Variants in WDR81 observed in about 807,000 individuals in gnomAD.
WDR81 encodes WD repeat domain 81, also known as WD repeat-containing protein 81.
A neutral mutation model predicts 140.8 loss-of-function variants in WDR81; 92 were observed. The ratio of observed to expected loss-of-function variants is 0.65; its 90% CI spans 0.55 to 0.78. WDR81 has a LOEUF of 0.78. WDR81 is among the 30% of genes least tolerant of loss of function. WDR81 has a pLI of 0.00. For synonymous variants in WDR81, 1,183 were observed against 1,156.4 expected (o/e 1.02, Z -0.47); for missense variants, 2,502 against 2,636.4 (o/e 0.95, Z 1.12).
intron 1 of WDR81, among the ~76,000 whole-genome samples, chr17:1,718,079 C>A (rs532684698): frequency 6.6e-6 from 1 of 152,062 alleles, no homozygotes. Flanking sequence ...TGATGGGATC[C>A]TCCTGCTTTT....
chr17:1,723,780 C>A (rs1048235427), upstream of WDR81, among the ~76,000 whole-genome samples: 1 of 151,936 alleles, frequency 6.6e-6, no homozygotes, highest in East Asian at 1.9e-4. Context: ...CCACTGCACC[C>A]GGCCAGTTTT....
In WDR81 at chr17:1,725,947, G is replaced by A. The variant is rs1230424641; in HGVS notation, c.988G>A (p.Glu330Lys). 18 of 1,550,560 alleles carry A rather than the reference G, an allele frequency of 1.2e-5. No homozygotes were observed. The highest frequency in any genetic ancestry group is 1.5e-5 in the Non-Finnish European group (17 of 1,146,920). Reference protein sequence around the residue: ...ARDEAGIVSQEEQGGQPGQPT... With the variant: ...ARDEAGIVSQKEQGGQPGQPT... The stretch of plus-strand genomic sequence containing the variant: ...GGATGAGGCGGGCATTGTGTCTCAA[G>A]AGGAGCAGGGAGGGCAACCTGGGCA... The change falls in exon 1 of 10, where the codon GAG becomes AAG. Residue 330 changes from glutamate to lysine, a missense_variant. By Grantham distance (56) the Glu-to-Lys change is moderately conservative. Coordinates refer to ENST00000409644, the MANE Select transcript of WDR81 (RefSeq NM_001163809.2).
Position 1,728,550 on chromosome 17 carries a change from C to T in WDR81, c.3591C>T (p.Gly1197=). Residue 1197 remains glycine (G), a synonymous_variant, in exon 1 of 10, where the codon GGC becomes GGT. Transcript: ENST00000409644. The part of the protein sequence containing the change: ...VLSMETVVAG[G]SGGDGEEEEE... ...CCATGGAGACGGTTGTGGCCGGCGG[C>T]AGTGGGGGAGATGGAGAAGAAGAGG... 2.0e-6 allele frequency: 3 copies of T among 1,532,308 alleles called. No individual in the cohort carries two copies. Among genetic ancestry groups the T allele is most frequent in the South Asian group, 1.2e-5 (1 of 82,562 alleles). The allele number at this position is 1,532,308 out of a possible 1,614,324, so 94.9% of individuals were successfully genotyped here. A position where few individuals can be genotyped will look rare whatever the true frequency, so the allele number is the denominator to read the frequency against.
At chr17:1,717,353 C>T (rs1225530705) in intron 1 of WDR81, among the ~76,000 whole-genome samples, 1 of 152,170 alleles carries the variant, frequency 6.6e-6, no homozygotes, top group Non-Finnish European at 1.5e-5. Context: ...TATCAATCCC[C>T]GCAAGTCCCC....
rs1915225006 is a variant in WDR81 at position 1,726,036 on chromosome 17, C to T, written c.1077C>T (p.Asn359=). The T allele has an allele frequency of 3.2e-6, 5 of 1,545,260 alleles. No homozygotes were observed. Among genetic ancestry groups the T allele is most frequent in the Non-Finnish European group, 4.4e-6 (5 of 1,143,212 alleles). Residue 359 remains asparagine, a synonymous_variant, in exon 1 of 10, where the codon AAC becomes AAT. Coordinates refer to ENST00000409644, the MANE Select transcript of WDR81 (RefSeq NM_001163809.2). The stretch of plus-strand genomic sequence containing the variant: ...ATTGGGTCCACGGCCGCATCAGCAA[C>T]TTCCACTACCTCATGCAGCTGAATC... ...VLDWVHGRIS[N]FHYLMQLNRL... is the part of the protein sequence containing the mutation.
At chr17:1,716,603 A>G in exon 1 of WDR81, 1 of 1,551,328 alleles carries the variant, frequency 6.4e-7, no homozygotes, top group South Asian at 1.2e-5. Context: ...TCTCAGCCTG[A>G]CACCGTCGTT....
At chr17:1,729,623 G>A (rs1268905602) in intron 1 of WDR81, among the ~76,000 whole-genome samples, 2 of 152,110 alleles carry the variant, frequency 1.3e-5, no homozygotes, top group South Asian at 4.1e-4. Flanking sequence ...GAAGGCTGAG[G>A]GAACAGCATG....
upstream of WDR81, chr17:1,724,634 G>A (rs988191234): frequency 2.0e-6 from 2 of 1,015,058 alleles, no homozygotes; most frequent in Non-Finnish European, 2.4e-6. Context: ...GGCAGGAAGC[G>A]GGGTCCCGCC....
chr17:1,726,580 C>G lies in WDR81; in HGVS notation c.1621C>G (p.Leu541Val). ...LLESREVSRD[L>V]HHWIDLTFGY... ...GGAGAGCCGCGAGGTATCCCGGGAC[C>G]TGCACCATTGGATCGACCTCACGTT... Residue 541 changes from leucine (L) to valine (V), a missense_variant, in exon 1 of 10, where the codon CTG becomes GTG. Physicochemically the swap from Leu to Val is conservative, Grantham distance 32. Coordinates refer to ENST00000409644, the MANE Select transcript of WDR81 (RefSeq NM_001163809.2). 1 of 1,550,370 alleles carries G rather than the reference C, an allele frequency of 6.5e-7. No individual in the cohort carries two copies. Among genetic ancestry groups the G allele is most frequent in the Non-Finnish European group, 8.7e-7 (1 of 1,146,984 alleles).
Position 1,730,881 on chromosome 17 carries a change from A to T in WDR81, c.3902A>T (p.His1301Leu). 1.2e-6 allele frequency: 2 copies of T among 1,612,830 alleles called. No homozygotes were observed. The highest frequency in any genetic ancestry group is 8.5e-7 in the Non-Finnish European group (1 of 1,179,920). ...VSGPVLSCLL[H>L]IARLYGEPVL... The stretch of plus-strand genomic sequence containing the variant: ...GGGCCTGTGCTCAGCTGCCTCCTCC[A>T]CATCGCCCGCCTGTATGGGGAGCCT... Residue 1301 changes from histidine (H) to leucine (L), a missense_variant, in exon 3 of 10, where the codon CAC (histidine) becomes CTC (leucine). Physicochemically the swap from His to Leu is moderately conservative, Grantham distance 99 (BLOSUM62 -3). Transcript: ENST00000409644.
Position 1,725,720 on chromosome 17 carries a change from C to G in WDR81, c.761C>G (p.Thr254Ser). The G allele has an allele frequency of 6.4e-7, 1 of 1,550,404 alleles. No individual in the cohort carries two copies. The highest frequency in any genetic ancestry group is 8.7e-7 in the Non-Finnish European group (1 of 1,147,052). ...GTCACCTTCAGCCCTGCCAAGCTGA[C>G]CAACAGCCAGGCCAAGGTGCTGTTC... ...DVVTFSPAKL[T>S]NSQAKVLFIL... The change falls in exon 1 of 10, where the codon ACC (threonine) becomes AGC (serine). Residue 254 changes from threonine (T) to serine (S), a missense_variant. Around this residue, in one of 3 missense-constraint regions of WDR81, gnomAD observed 547 missense variants for 513.8 expected, o/e 1.06. Coordinates refer to ENST00000409644, the MANE Select transcript of WDR81 (RefSeq NM_001163809.2).
chr17:1,726,245 C>T lies in WDR81; in HGVS notation c.1286C>T (p.Ala429Val), dbSNP rs554874427. 5.3e-5 allele frequency: 81 copies of T among 1,532,822 alleles called. No individual in the cohort carries two copies. The African/African-American group carries it at 5.3e-4, about 10-fold the overall frequency. The allele number at this position is 1,532,822 out of a possible 1,614,324, so 95.0% of individuals were successfully genotyped here. ...MTRQAFVAGG[A>V]GGGEPPHVPH... is the part of the protein sequence containing the mutation. The stretch of plus-strand genomic sequence containing the variant: ...CGGCAGGCATTCGTAGCAGGCGGGG[C>T]GGGCGGCGGGGAACCCCCTCATGTT... The change falls in exon 1 of 10, where the codon GCG (alanine) becomes GTG (valine). Residue 429 changes from alanine to valine, a missense_variant. Ala to Val is a moderately conservative substitution (Grantham distance 64, BLOSUM62 0). This residue lies in a region of WDR81 where 218 missense variants were observed against 279.6 expected (regional missense o/e 0.78). Transcript: ENST00000409644.
Position 1,736,028 on chromosome 17 carries a change from T to C in WDR81, c.5326-11T>C. The C allele has an allele frequency of 6.3e-7, 1 of 1,585,858 alleles. No homozygotes were observed. Among genetic ancestry groups the C allele is most frequent in the Non-Finnish European group, 8.5e-7 (1 of 1,171,278 alleles). Reference sequence around the variant, plus strand: ...AGGTGGTGCCTCAGCTCAGCCGCCCTCTCCCTGCAGCACGAGTTCCGACTG... The same window carrying C: ...AGGTGGTGCCTCAGCTCAGCCGCCCCCTCCCTGCAGCACGAGTTCCGACTG... On this transcript the variant is annotated splice_polypyrimidine_tract_variant and intron_variant, in intron 8 of 9. Coordinates refer to ENST00000409644, the MANE Select transcript of WDR81 (RefSeq NM_001163809.2).
rs772473002 is a variant in WDR81 at position 1,737,416 on chromosome 17, G to A, written c.5557G>A (p.Val1853Ile). The A allele has an allele frequency of 4.1e-5, 66 of 1,612,764 alleles. No individual in the cohort carries two copies. Among genetic ancestry groups the A allele is most frequent in the Admixed American group, 1.7e-4 (10 of 59,978 alleles). Residue 1853 changes from valine to isoleucine, a missense_variant, in exon 10 of 10, where the codon GTC becomes ATC. Physicochemically the swap from Val to Ile is conservative, Grantham distance 29. Transcript: ENST00000409644. ...CTCCTCCTCTGACCATTCCTTGACC[G>A]TCTGGAAGGAGCTGGAGCAGAAGCC... The part of the protein sequence containing the change: ...VSSSSDHSLT[V>I]WKELEQKPTH...
rs1295295503 is a variant in WDR81, at chr17:1,718,140, C to CA, written c.-124+1508dup. On this transcript the variant is annotated intron_variant, in intron 1 of 10. Transcript: ENST00000309182. ...ATTTTTTTTTTTTCTGTTTTTGAGA[C>CA]AGAGTCTCGCTCTGTTGCCCAGGCT... 7.9e-5 allele frequency among the ~76,000 whole-genome samples: 12 copies of CA among 151,500 alleles called. No homozygotes were observed. In the East Asian group the frequency reaches 2.3e-3, roughly 29 times the overall value.
At position 1,734,315 on chromosome 17, in the gene WDR81, T is replaced by C. The variant is rs536477210; in HGVS notation, c.5179+99T>C. ...GGGTGGGGCTGTAATGCTGCGGAGT[T>C]TGGGGAGACCCAGCGAGGCCGCCTA... is the stretch of plus-strand genomic sequence containing the variant. On this transcript the variant is annotated intron_variant, in intron 7 of 9. Transcript: ENST00000409644. 12 of 1,387,956 alleles carry C rather than the reference T, an allele frequency of 8.6e-6. No homozygotes were observed. The East Asian group carries it at 2.3e-4, about 26-fold the overall frequency. The allele number at this position is 1,387,956 out of a possible 1,614,324, so 86.0% of individuals were successfully genotyped here.
rs1005878987 is a variant in WDR81 at position 1,725,597 on chromosome 17, C to A, written c.638C>A (p.Pro213His). The A allele has an allele frequency of 1.6e-5, 24 of 1,545,214 alleles. No individual in the cohort carries two copies. The highest frequency in any genetic ancestry group is 1.9e-5 in the Non-Finnish European group (22 of 1,146,952). ...GGCCCCTGCCCCCCTCGGGGCAGCC[C>A]TGCTTGCCCTAGTCTTTTACGGGCT... ...REGPCPPRGSPACPSLLRAEA... is the reference protein window; with the variant it reads ...REGPCPPRGSHACPSLLRAEA... Residue 213 changes from proline (P) to histidine (H), a missense_variant, in exon 1 of 10, where the codon CCT becomes CAT. By Grantham distance (77) the Pro-to-His change is moderately conservative. This residue lies in a region of WDR81 where 547 missense variants were observed against 513.8 expected (regional missense o/e 1.06). Transcript: ENST00000409644.
chr17:1,724,838 C>T lies in WDR81; in HGVS notation c.-122C>T, dbSNP rs1184031843. ...CGCCGCCGCCGGCTTCCTGCGGCCGCCTCCGCCCCAGCCCCTGTCCCGCGC... is the reference window on the plus strand; with the variant it reads ...CGCCGCCGCCGGCTTCCTGCGGCCGTCTCCGCCCCAGCCCCTGTCCCGCGC... On this transcript the variant is annotated 5_prime_UTR_variant, in exon 1 of 10. Transcript: ENST00000409644. The T allele has an allele frequency of 4.9e-6, 6 of 1,215,158 alleles. No individual in the cohort carries two copies. The East Asian group carries it at 1.3e-4, about 27-fold the overall frequency. The allele number at this position is 1,215,158 out of a possible 1,614,324, so 75.3% of individuals were successfully genotyped here.
intron 5 of WDR81, 22 bp from the exon 6 acceptor site, chr17:1,732,644 C>T: frequency 6.3e-7 from 1 of 1,588,074 alleles, no homozygotes; most frequent in Non-Finnish European, 8.6e-7. Flanking sequence ...CCCGGCTGAC[C>T]CCCTGGGTGT....
Sources: allele counts gnomAD v4.1 joint callset (sites outside exome capture counted in the v4.1 genomes callset), GRCh38; gene constraint gnomAD v4.1.1; regional missense constraint gnomAD v4.1.1; transcripts MANE v1.5; gene names NCBI Gene and HGNC (gene_info 2026-07-23, HGNC 2026-07-21).